Variants in IL1RAP observed in about 807,000 individuals in gnomAD.
IL1RAP encodes the protein interleukin 1 receptor accessory protein, also known as interleukin-1 receptor accessory protein.
A neutral mutation model predicts 60.7 loss-of-function variants in IL1RAP; 35 were observed. The observed-to-expected ratio is 0.58, with a 90% confidence interval of 0.44 to 0.76. The LOEUF (loss-of-function observed/expected upper bound fraction) is 0.76, where lower values mean the gene tolerates loss of function less well. Among genes scored for constraint, IL1RAP ranks in the 30% least tolerant of loss-of-function variants. IL1RAP has a pLI of 0.00. For synonymous variants in IL1RAP, 268 were observed against 250.9 expected, an observed-to-expected ratio of 1.07 and a Z score of -0.64; for missense variants, 572 against 693.9, an observed-to-expected ratio of 0.82 and a Z score of 1.97.
At chr3:190,634,716 T>TTTG (rs1303471698) in intron 9 of IL1RAP, among the ~76,000 whole-genome samples, 1 of 142,472 alleles carries the variant, frequency 7.0e-6, no homozygotes, top group Non-Finnish European at 1.5e-5. Flanking sequence ...TGTTTTTTTT[T>TTTG]TTGTTGTTGT....
At chr3:190,549,772 C>A (rs998658974) in intron 1 of IL1RAP, among the ~76,000 whole-genome samples, 1 of 152,152 alleles carries the variant, frequency 6.6e-6, no homozygotes, top group Non-Finnish European at 1.5e-5. Flanking sequence ...TTGGAGCCTG[C>A]ATCCAAGGGG....
intron 2 of IL1RAP, among the ~76,000 whole-genome samples, chr3:190,561,862 A>G (rs1725913420): frequency 6.6e-6 from 1 of 152,220 alleles, no homozygotes; most frequent in South Asian, 2.1e-4. Context: ...CAGATTCAGG[A>G]GCCAAAATGA....
In IL1RAP at chr3:190,549,005, G is replaced by A. The variant is rs191206383; in HGVS notation, c.-88-7125G>A. 1.6e-3 allele frequency among the ~76,000 whole-genome samples: 244 copies of A among 151,804 alleles called. No individual in the cohort carries two copies. In the Middle Eastern group the frequency reaches 0.034, roughly 21 times the overall value. The stretch of plus-strand genomic sequence containing the variant: ...GAGGTTCATGGTCAAATTGTTGTGA[G>A]ACATTCTCCTTAGGGTTCTTTTCAC... On this transcript the variant is annotated intron_variant, in intron 1 of 11. Transcript: ENST00000447382.
intron 2 of IL1RAP, among the ~76,000 whole-genome samples, chr3:190,562,183 GAA>G (rs959537382): frequency 6.6e-6 from 1 of 152,140 alleles, no homozygotes; most frequent in African/African-American, 2.4e-5. Flanking sequence ...ATTCTCCACT[GAA>G]AGTTTCTTTT....
intron 1 of IL1RAP, among the ~76,000 whole-genome samples, chr3:190,547,692 A>C (rs1388972939): frequency 6.6e-6 from 1 of 152,172 alleles, no homozygotes; most frequent in Non-Finnish European, 1.5e-5. Flanking sequence ...GCTTTCTCCC[A>C]GGTGGCGAAG....
At chr3:190,519,818 A>T (rs942936158) in intron 1 of IL1RAP, among the ~76,000 whole-genome samples, 6 of 152,176 alleles carry the variant, frequency 3.9e-5, no homozygotes, top group African/African-American at 1.4e-4. Flanking sequence ...GTTCATCCCC[A>T]TTGGGCACAG....
At chr3:190,583,044 C>T (rs778810469) in intron 3 of IL1RAP, among the ~76,000 whole-genome samples, 8 of 152,236 alleles carry the variant, frequency 5.3e-5, no homozygotes, top group Admixed American at 2.6e-4. Context: ...CATCCCATCT[C>T]CTGCCCTAAT....
intron 2 of IL1RAP, among the ~76,000 whole-genome samples, chr3:190,562,409 C>G (rs1041818320): frequency 6.6e-6 from 1 of 151,652 alleles, no homozygotes; most frequent in African/African-American, 2.4e-5. Context: ...TCTGTTAGAC[C>G]CTGCCTAGTG....
chr3:190,658,294 A>G (rs942333867), exon 12 of IL1RAP: 1 of 152,206 alleles, frequency 6.6e-6, no homozygotes, highest in African/African-American at 2.4e-5. Context: ...TTTCATAACT[A>G]AAGTATTCAG....
intron 4 of IL1RAP, among the ~76,000 whole-genome samples, chr3:190,607,022 G>A (rs1006007192): frequency 2.6e-5 from 4 of 151,934 alleles, no homozygotes; most frequent in Non-Finnish European, 4.4e-5. Flanking sequence ...TGTCTTCCAC[G>A]TGGCAGATGT....
chr3:190,639,049 C>T (rs1733450133), intron 9 of IL1RAP, among the ~76,000 whole-genome samples: 1 of 152,028 alleles, frequency 6.6e-6, no homozygotes, highest in African/African-American at 2.4e-5. Flanking sequence ...ATTTTAAGAT[C>T]ACCTTTTCTT....
intron 3 of IL1RAP, among the ~76,000 whole-genome samples, chr3:190,571,544 A>G (rs190456300): frequency 4.6e-5 from 7 of 152,268 alleles, no homozygotes; most frequent in Admixed American, 2.0e-4. Flanking sequence ...GTACAACTAT[A>G]GTTGAAATAT....
chr3:190,569,584 C>CTTT (rs3841957), intron 3 of IL1RAP, among the ~76,000 whole-genome samples: 16 of 148,496 alleles, frequency 1.1e-4, no homozygotes, highest in African/African-American at 3.2e-4. Context: ...GATCTCTTCA[C>CTTT]TTTTTTTTTT....
intron 4 of IL1RAP, 70 bp from the exon 5 acceptor site, chr3:190,608,925 C>G (rs1468175037): frequency 8.4e-7 from 1 of 1,193,446 alleles, no homozygotes; most frequent in African/African-American, 1.5e-5. Context: ...TCACTTAGTT[C>G]ATTTGAATGT....
chr3:190,618,595 G>A (rs995507569), intron 5 of IL1RAP, among the ~76,000 whole-genome samples: 7 of 152,098 alleles, frequency 4.6e-5, no homozygotes, highest in Non-Finnish European at 8.8e-5. Flanking sequence ...AACAAATGAG[G>A]GGGAAATACC....
At chr3:190,630,611 A>G (rs1054710043) in intron 9 of IL1RAP, among the ~76,000 whole-genome samples, 7 of 152,244 alleles carry the variant, frequency 4.6e-5, no homozygotes, top group African/African-American at 1.4e-4. Flanking sequence ...TATGCTGCGT[A>G]TGAAGTACTA....
chr3:190,586,972 C>G (rs1728516190), intron 3 of IL1RAP, among the ~76,000 whole-genome samples: 1 of 152,186 alleles, frequency 6.6e-6, no homozygotes, highest in Non-Finnish European at 1.5e-5. Context: ...TGCTTACTCA[C>G]TTTGTTCTAC....
intron 5 of IL1RAP, among the ~76,000 whole-genome samples, chr3:190,612,138 G>T (rs1481153547): frequency 6.6e-6 from 1 of 152,138 alleles, no homozygotes; most frequent in Non-Finnish European, 1.5e-5. Context: ...ATCTTGGGGT[G>T]CAGTGAGTAG....
At chr3:190,582,026 G>T (rs1728040170) in intron 3 of IL1RAP, among the ~76,000 whole-genome samples, 1 of 152,210 alleles carries the variant, frequency 6.6e-6, no homozygotes, top group Non-Finnish European at 1.5e-5. Flanking sequence ...GATAAAAGAT[G>T]TTGAGGCTGC....
Sources: allele counts gnomAD v4.1 joint callset (sites outside exome capture counted in the v4.1 genomes callset), GRCh38; gene constraint gnomAD v4.1.1; transcripts MANE v1.5; gene names NCBI Gene and HGNC (gene_info 2026-07-23, HGNC 2026-07-21).